Variants in RAD54L2 observed in about 807,000 individuals in gnomAD.
The protein encoded by RAD54L2 is RAD54 like 2, also known as helicase ARIP4.
A neutral mutation model predicts 138.4 loss-of-function variants in RAD54L2; 27 were observed. The ratio of observed to expected loss-of-function variants is 0.20; its 90% CI spans 0.14 to 0.27. The LOEUF (loss-of-function observed/expected upper bound fraction) is 0.27, where lower values mean the gene tolerates loss of function less well. RAD54L2 is among the 10% of genes least tolerant of loss of function. The pLI is 1.00. For synonymous variants in RAD54L2, 644 were observed against 723.2 expected (o/e 0.89, Z 1.76); for missense variants, 1,396 against 1,890.2 (o/e 0.74, Z 4.85).
intron 3 of RAD54L2, among the ~76,000 whole-genome samples, chr3:51,598,354 C>G (rs1255545416): frequency 6.6e-6 from 1 of 152,108 alleles, no homozygotes; most frequent in Non-Finnish European, 1.5e-5. Flanking sequence ...TCCAAACCCT[C>G]CTTTCTAATT....
intron 2 of RAD54L2, among the ~76,000 whole-genome samples, chr3:51,579,745 C>CA (rs1264547064): frequency 1.3e-5 from 2 of 151,952 alleles, no homozygotes; most frequent in Non-Finnish European, 2.9e-5. Context: ...CACAGGCAAA[C>CA]AAAAAAGTTA....
chr3:51,611,911 G>A (rs1040457618), intron 3 of RAD54L2, among the ~76,000 whole-genome samples: 5 of 152,018 alleles, frequency 3.3e-5, no homozygotes, highest in African/African-American at 1.2e-4. Context: ...TTTTCAGGTA[G>A]GACCTAGCTC....
In RAD54L2 at chr3:51,544,408, CT is replaced by C. The variant is rs1459458299; in HGVS notation, c.-55+2764del. 1.2e-4 allele frequency among the ~76,000 whole-genome samples: 19 copies of C among 152,252 alleles called. 1 individual carries two copies. Among genetic ancestry groups the C allele is most frequent in the Middle Eastern group, 6.8e-3 (2 of 294 alleles). On this transcript the variant is annotated intron_variant, in intron 2 of 22. Transcript: ENST00000684192. ...TTTGAGGCTGGAGGGCTATTACTTG[CT>C]TTTTTGGGTCTTGCAAACATTTCAT...
intron 21 of RAD54L2, among the ~76,000 whole-genome samples, chr3:51,659,246 C>T (rs1396332418): frequency 6.6e-6 from 1 of 151,748 alleles, no homozygotes; most frequent in Non-Finnish European, 1.5e-5. Context: ...GCTGGGACTA[C>T]AGGCGCCCAC....
chr3:51,635,047 C>T (rs1312673520), intron 9 of RAD54L2, among the ~76,000 whole-genome samples: 2 of 152,168 alleles, frequency 1.3e-5, no homozygotes, highest in Admixed American at 6.5e-5. Flanking sequence ...GGTGGTTGCT[C>T]ATTCAGGACT....
intron 3 of RAD54L2, among the ~76,000 whole-genome samples, chr3:51,593,172 C>T (rs1951882699): frequency 6.6e-6 from 1 of 151,888 alleles, no homozygotes; most frequent in Non-Finnish European, 1.5e-5. Context: ...GGTGGGGATG[C>T]TACTGTCATC....
At chr3:51,548,759 A>G (rs1553672888) in intron 2 of RAD54L2, among the ~76,000 whole-genome samples, 1 of 151,620 alleles carries the variant, frequency 6.6e-6, no homozygotes, top group Non-Finnish European at 1.5e-5. Context: ...GATACACACA[A>G]GGAAGATAGT....
intron 2 of RAD54L2, among the ~76,000 whole-genome samples, chr3:51,553,102 G>A (rs1488380795): frequency 2.6e-5 from 4 of 151,820 alleles, no homozygotes; most frequent in East Asian, 1.9e-4. Flanking sequence ...TTTCTGAGAG[G>A]GAGTCTCACT....
At chr3:51,587,416 G>A (rs1577405460) in intron 2 of RAD54L2, among the ~76,000 whole-genome samples, 1 of 152,088 alleles carries the variant, frequency 6.6e-6, no homozygotes, top group South Asian at 2.1e-4. Context: ...AGTCGTTTCT[G>A]CAGAGATTTA....
chr3:51,571,299 C>G (rs533210416), intron 2 of RAD54L2, among the ~76,000 whole-genome samples: 1 of 152,008 alleles, frequency 6.6e-6, no homozygotes, highest in South Asian at 2.1e-4. Context: ...TATTTCCTGA[C>G]CATAAGGTCC....
chr3:51,555,887 G>A (rs957602978), intron 2 of RAD54L2, among the ~76,000 whole-genome samples: 2 of 152,198 alleles, frequency 1.3e-5, no homozygotes, highest in Non-Finnish European at 1.5e-5. Flanking sequence ...ATGGTTGAAT[G>A]TCAGAGCCTC....
At chr3:51,586,110 C>T (rs1699702129) in intron 2 of RAD54L2, among the ~76,000 whole-genome samples, 2 of 151,982 alleles carry the variant, frequency 1.3e-5, no homozygotes, top group African/African-American at 4.8e-5. Flanking sequence ...GCTATGCCCA[C>T]ATAGACGTAT....
chr3:51,641,198 G>A (rs1215359760), intron 14 of RAD54L2, among the ~76,000 whole-genome samples: 1 of 152,122 alleles, frequency 6.6e-6, no homozygotes, highest in Admixed American at 6.5e-5. Context: ...TAGAGATGGG[G>A]TTTCATCATG....
intron 3 of RAD54L2, among the ~76,000 whole-genome samples, chr3:51,617,902 C>T (rs899140454): frequency 6.6e-6 from 1 of 152,058 alleles, no homozygotes; most frequent in Non-Finnish European, 1.5e-5. Flanking sequence ...AATACACACA[C>T]CACATTTTAA....
At chr3:51,598,177 G>GTATATATA (rs71084152) in intron 3 of RAD54L2, among the ~76,000 whole-genome samples, 100 of 135,268 alleles carry the variant, frequency 7.4e-4, no homozygotes, top group Admixed American at 1.3e-3. Context: ...GTGTGTGTGT[G>GTATATATA]TATATATATA....
At chr3:51,606,697 T>C (rs1267505523) in intron 3 of RAD54L2, among the ~76,000 whole-genome samples, 2 of 152,244 alleles carry the variant, frequency 1.3e-5, no homozygotes, top group East Asian at 3.9e-4. Context: ...TATGTATTTA[T>C]TTTGAGACAG....
intron 15 of RAD54L2, among the ~76,000 whole-genome samples, chr3:51,642,569 G>A (rs1701165832): frequency 6.6e-6 from 1 of 152,034 alleles, no homozygotes; most frequent in Non-Finnish European, 1.5e-5. Context: ...GTTATAAGGG[G>A]CTGTCCTGTA....
chr3:51,559,700 T>A (rs2106637716), intron 2 of RAD54L2, among the ~76,000 whole-genome samples: 1 of 152,326 alleles, frequency 6.6e-6, no homozygotes, highest in Non-Finnish European at 1.5e-5. Flanking sequence ...GTTCTAGAGA[T>A]GAGCTCTCTG....
In RAD54L2 at chr3:51,639,579, C is replaced by T. The variant is rs755904833; in HGVS notation, c.2021C>T (p.Ser674Leu). 7 of 1,613,970 alleles carry T rather than the reference C, an allele frequency of 4.3e-6. No homozygotes were observed. In the South Asian group the frequency reaches 5.5e-5, roughly 13 times the overall value. The change falls in exon 13 of 23, where the codon TCG (serine) becomes TTG (leucine). Residue 674 changes from serine (S) to leucine (L), a missense_variant. By Grantham distance (145) the Ser-to-Leu change is moderately radical (BLOSUM62 -2). Transcript: ENST00000684192. ...GGAGAGGATAGCACCTTGGCTTCCT[C>T]GATGGGAGAGGCAACCAATAGCAAG... ...GKGEDSTLAS[S>L]MGEATNSKFL... is the part of the protein sequence containing the mutation.
Sources: allele counts gnomAD v4.1 joint callset (sites outside exome capture counted in the v4.1 genomes callset), GRCh38; gene constraint gnomAD v4.1.1; transcripts MANE v1.5; gene names NCBI Gene and HGNC (gene_info 2026-07-23, HGNC 2026-07-21).